Variants in DLG2 observed in about 807,000 individuals in gnomAD.
DLG2 encodes disks large homolog 2.
DLG2 carries 45 observed loss-of-function variants against 132.5 expected under a neutral mutation model. The observed-to-expected ratio is 0.34, with a 90% CI of 0.27 to 0.44. DLG2 has a LOEUF of 0.44. DLG2 is among the 20% of genes least tolerant of loss of function. DLG2 has a pLI of 1.00. For synonymous variants in DLG2, 424 were observed against 419.6 expected (o/e 1.01, Z -0.13); for missense variants, 1,045 against 1,196.9 (o/e 0.87, Z 1.87).
intron 6 of DLG2, among the ~76,000 whole-genome samples, chr11:84,548,817 C>T (rs747799025): frequency 2.6e-5 from 4 of 152,026 alleles, no homozygotes; most frequent in Non-Finnish European, 5.9e-5. Context: ...TTTGAGTGTA[C>T]CAACCTCAAA....
At chr11:84,803,057 C>T (rs2075605640) in intron 6 of DLG2, among the ~76,000 whole-genome samples, 1 of 152,156 alleles carries the variant, frequency 6.6e-6, no homozygotes, top group Non-Finnish European at 1.5e-5. Flanking sequence ...CCTCGGCCTC[C>T]CAAAGTTCTG....
intron 4 of DLG2, among the ~76,000 whole-genome samples, chr11:85,156,884 C>T (rs2077626592): frequency 6.6e-6 from 1 of 152,170 alleles, no homozygotes; most frequent in Non-Finnish European, 1.5e-5. Flanking sequence ...ATCTATGCAT[C>T]TCTTTGTGAT....
intron 2 of DLG2, among the ~76,000 whole-genome samples, chr11:85,607,465 C>CG (rs1555198853): frequency 6.6e-6 from 1 of 152,206 alleles, no homozygotes; most frequent in Non-Finnish European, 1.5e-5. Flanking sequence ...TCCTTGCCCC[C>CG]GGGTCCTAAC....
intron 5 of DLG2, among the ~76,000 whole-genome samples, chr11:85,122,364 G>A (rs1385657585): frequency 6.6e-6 from 1 of 152,196 alleles, no homozygotes; most frequent in Non-Finnish European, 1.5e-5. Flanking sequence ...TATCAAGCTA[G>A]GAAGTTGAGA....
At chr11:85,376,783 A>G (rs2085438130) in intron 3 of DLG2, among the ~76,000 whole-genome samples, 1 of 152,174 alleles carries the variant, frequency 6.6e-6, no homozygotes, top group African/African-American at 2.4e-5. Flanking sequence ...CTTCATCATG[A>G]TAAGTAAACA....
At chr11:83,670,608 A>T (rs867159845) in intron 18 of DLG2, among the ~76,000 whole-genome samples, 8 of 146,414 alleles carry the variant, frequency 5.5e-5, no homozygotes, top group East Asian at 2.0e-4. Context: ...ACATTTCTTT[A>T]AAAAAAAAAA....
intron 7 of DLG2, among the ~76,000 whole-genome samples, chr11:84,502,588 G>C (rs970500002): frequency 1.3e-5 from 2 of 151,394 alleles, no homozygotes; most frequent in South Asian, 2.1e-4. Flanking sequence ...AGTAGAGATG[G>C]TGTTTCACCA....
At chr11:85,331,377 AT>A (rs1220269762) in intron 3 of DLG2, among the ~76,000 whole-genome samples, 1 of 152,212 alleles carries the variant, frequency 6.6e-6, no homozygotes, top group Non-Finnish European at 1.5e-5. Context: ...TAATAAAATC[AT>A]TTAACTTCTT....
At chr11:83,942,790 T>C (rs956954137) in intron 14 of DLG2, among the ~76,000 whole-genome samples, 2 of 152,236 alleles carry the variant, frequency 1.3e-5, no homozygotes, top group Non-Finnish European at 2.9e-5. Context: ...TTGAATGTTA[T>C]CACCACACAC....
At chr11:83,484,255 A>AAAAC (rs1171807126) in intron 21 of DLG2, 27 bp from the exon 22 acceptor site, 2 of 1,520,768 alleles carry the variant, frequency 1.3e-6, no homozygotes, top group Admixed American at 1.7e-5. Context: ...GCATGGGGCA[A>AAAAC]AAACAGGGGA....
intron 6 of DLG2, among the ~76,000 whole-genome samples, chr11:84,899,605 T>C (rs2090632767): frequency 6.6e-6 from 1 of 152,198 alleles, no homozygotes; most frequent in Admixed American, 6.6e-5. Flanking sequence ...ATTATTGGTT[T>C]ATATAAACCA....
chr11:84,339,733 C>A (rs1454904170), intron 7 of DLG2, among the ~76,000 whole-genome samples: 1 of 152,138 alleles, frequency 6.6e-6, no homozygotes, highest in East Asian at 1.9e-4. Flanking sequence ...ATGGAAGTAG[C>A]CCTCATTAAA....
At chr11:84,735,682 T>G (rs945291187) in intron 6 of DLG2, among the ~76,000 whole-genome samples, 2 of 152,154 alleles carry the variant, frequency 1.3e-5, no homozygotes, top group Admixed American at 6.5e-5. Flanking sequence ...CTGCTAGCTT[T>G]TGAATATGTT....
intron 16 of DLG2, among the ~76,000 whole-genome samples, chr11:83,858,778 T>C (rs2060963444): frequency 6.6e-6 from 1 of 152,358 alleles, no homozygotes. Flanking sequence ...TTGATAGCCA[T>C]GGTTCTCTTA....
intron 6 of DLG2, among the ~76,000 whole-genome samples, chr11:84,812,843 T>C (rs2076710049): frequency 1.3e-5 from 2 of 152,148 alleles, no homozygotes; most frequent in Non-Finnish European, 2.9e-5. Flanking sequence ...CAGTGGTATC[T>C]GCAATCTGCA....
chr11:83,754,695 C>A (rs1566836875), intron 18 of DLG2, among the ~76,000 whole-genome samples: 1 of 151,186 alleles, frequency 6.6e-6, no homozygotes, highest in East Asian at 1.9e-4. Context: ...ATTGCTGAAG[C>A]TTGTCATGTA....
chr11:84,050,152 ACTT>A (rs953937234), intron 11 of DLG2, among the ~76,000 whole-genome samples: 11 of 74,184 alleles, frequency 1.5e-4, no homozygotes, highest in Non-Finnish European at 2.7e-4. Flanking sequence ...ACTACTGGAG[ACTT>A]TTTTTTTTTT....
intron 18 of DLG2, among the ~76,000 whole-genome samples, chr11:83,768,168 A>G (rs2094222069): frequency 6.6e-6 from 1 of 152,156 alleles, no homozygotes; most frequent in African/African-American, 2.4e-5. Flanking sequence ...AAAAGAAAAA[A>G]TTTTGCTGCT....
At chr11:85,007,457 G>T (rs1256533223) in intron 6 of DLG2, among the ~76,000 whole-genome samples, 1 of 151,612 alleles carries the variant, frequency 6.6e-6, no homozygotes, top group Admixed American at 6.6e-5. Flanking sequence ...TCAGGAGATC[G>T]AGACCATCCT....
Sources: gnomAD v4.1 joint callset for allele counts (sites outside exome capture counted in the v4.1 genomes callset) on GRCh38, gnomAD v4.1.1 for gene constraint, MANE v1.5 for transcripts, NCBI Gene and HGNC (gene_info 2026-07-23, HGNC 2026-07-21) for gene names.